The following NELL1 variants were observed in gnomAD, a reference collection of about 807,000 sequenced individuals.
NELL1 encodes the protein neural EGFL like 1.
In NELL1, 76 loss-of-function variants were observed where a neutral mutation model predicts 107.4. The observed-to-expected ratio is 0.71, with a 90% CI of 0.59 to 0.86. The LOEUF (loss-of-function observed/expected upper bound fraction) is 0.86, where lower values mean the gene tolerates loss of function less well. Ranked by LOEUF, NELL1 falls within the 40% of genes least tolerant of loss-of-function variation. The pLI is 0.00. For synonymous variants in NELL1, 353 were observed against 341.2 expected (o/e 1.03, Z -0.38); for missense variants, 1,024 against 1,005.5 (o/e 1.02, Z -0.25).
At chr11:20,810,134 GC>G (rs1196986765) in intron 3 of NELL1, among the ~76,000 whole-genome samples, 1 of 151,422 alleles carries the variant, frequency 6.6e-6, no homozygotes, top group Non-Finnish European at 1.5e-5. Context: ...ATATCTGTTA[GC>G]CATTTGTATG....
chr11:21,551,384 T>C (rs1856578691), intron 16 of NELL1, among the ~76,000 whole-genome samples: 1 of 152,062 alleles, frequency 6.6e-6, no homozygotes, highest in African/African-American at 2.4e-5. Context: ...CTATGTTGAA[T>C]AGGAATGGTG....
intron 3 of NELL1, among the ~76,000 whole-genome samples, chr11:20,799,378 A>G (rs574738739): frequency 6.6e-6 from 1 of 152,372 alleles, no homozygotes; most frequent in South Asian, 2.1e-4. Flanking sequence ...TTTCAGGACA[A>G]CAGTTACTTA....
At chr11:20,684,700 T>G (rs139251613) in intron 2 of NELL1, among the ~76,000 whole-genome samples, 1 of 152,098 alleles carries the variant, frequency 6.6e-6, no homozygotes, top group African/African-American at 2.4e-5. Flanking sequence ...ATAAATACCT[T>G]TGAGTTTTGT....
At chr11:21,470,951 A>G (rs1365429601) in intron 15 of NELL1, among the ~76,000 whole-genome samples, 3 of 152,136 alleles carry the variant, frequency 2.0e-5, no homozygotes, top group African/African-American at 7.2e-5. Context: ...CAATGGATAT[A>G]AAATAGTTAA....
chr11:20,742,474 A>G (rs1436626210), intron 2 of NELL1, among the ~76,000 whole-genome samples: 1 of 152,156 alleles, frequency 6.6e-6, no homozygotes, highest in Non-Finnish European at 1.5e-5. Flanking sequence ...CTGTTCTCAC[A>G]CTGCTAATAA....
At chr11:21,459,066 A>C (rs555087114) in intron 15 of NELL1, among the ~76,000 whole-genome samples, 2 of 152,278 alleles carry the variant, frequency 1.3e-5, no homozygotes, top group East Asian at 3.9e-4. Context: ...TGTGAGATTC[A>C]TACCCAATTC....
chr11:21,508,972 C>G (rs147068945), intron 15 of NELL1, among the ~76,000 whole-genome samples: 1 of 152,020 alleles, frequency 6.6e-6, no homozygotes, highest in East Asian at 1.9e-4. Context: ...CTGCTGCCTT[C>G]CAACAAAAGT....
intron 12 of NELL1, among the ~76,000 whole-genome samples, chr11:21,067,448 G>A (rs1414861601): frequency 6.6e-6 from 1 of 152,114 alleles, no homozygotes; most frequent in Non-Finnish European, 1.5e-5. Flanking sequence ...TCTAATTAGA[G>A]TAAGGCTTGC....
intron 16 of NELL1, among the ~76,000 whole-genome samples, chr11:21,556,579 C>G (rs1198498390): frequency 6.6e-6 from 1 of 151,864 alleles, no homozygotes; most frequent in South Asian, 2.1e-4. Context: ...ATTCTATTTT[C>G]TTACATGCCC....
chr11:20,812,171 G>A (rs1394559709), intron 3 of NELL1, among the ~76,000 whole-genome samples: 1 of 152,076 alleles, frequency 6.6e-6, no homozygotes, highest in Non-Finnish European at 1.5e-5. Flanking sequence ...TATAAAACAC[G>A]TTTTCTGCAT....
rs1554922049 is a variant in NELL1 at position 21,489,404 on chromosome 11, A to AAAAAAAAAC, written c.1646-44966_1646-44965insAAAACAAAA. Among the ~76,000 whole-genome samples, 8 of 137,200 alleles carry AAAAAAAAAC rather than the reference A, an allele frequency of 5.8e-5. 1 individual carries two copies. Among genetic ancestry groups the AAAAAAAAAC allele is most frequent in the African/African-American group, 2.1e-4 (7 of 33,496 alleles). The allele number at this position is 137,200 out of a possible 152,430, so 90.0% of individuals were successfully genotyped here. Reference sequence around the variant, plus strand: ...TCAAAAAAAAAAAAAAAAAAAAAAAAAAAACAGAAGAAAAGGGAACTCTCC... The same window carrying AAAAAAAAAC: ...TCAAAAAAAAAAAAAAAAAAAAAAAAAAAAAAAACAAAACAGAAGAAAAGGGAACTCTCC... On this transcript the variant is annotated intron_variant, in intron 15 of 19. Transcript: ENST00000357134.
chr11:21,137,788 G>T (rs1855776578), intron 13 of NELL1, among the ~76,000 whole-genome samples: 1 of 152,140 alleles, frequency 6.6e-6, no homozygotes, highest in Admixed American at 6.5e-5. Flanking sequence ...TAGAAGGAAG[G>T]GTTAAAAGGT....
intron 9 of NELL1, among the ~76,000 whole-genome samples, chr11:20,931,730 G>T (rs1850623005): frequency 6.6e-6 from 1 of 152,132 alleles, no homozygotes; most frequent in Non-Finnish European, 1.5e-5. Flanking sequence ...GGATATAAGT[G>T]AAACTACTGT....
At chr11:21,152,582 C>T (rs1856142979) in intron 13 of NELL1, among the ~76,000 whole-genome samples, 1 of 152,108 alleles carries the variant, frequency 6.6e-6, no homozygotes, top group East Asian at 1.9e-4. Context: ...TTGATGAATC[C>T]TGATAATACA....
chr11:21,400,775 TG>T (rs1852079720), intron 15 of NELL1, among the ~76,000 whole-genome samples: 1 of 151,916 alleles, frequency 6.6e-6, no homozygotes, highest in Non-Finnish European at 1.5e-5. Flanking sequence ...CCTATATGAT[TG>T]TACTGAATTT....
intron 5 of NELL1, among the ~76,000 whole-genome samples, chr11:20,907,317 A>T (rs959548614): frequency 6.6e-6 from 1 of 151,962 alleles, no homozygotes; most frequent in South Asian, 2.1e-4. Flanking sequence ...AAGTATTTTT[A>T]AATTATGTAT....
intron 12 of NELL1, among the ~76,000 whole-genome samples, chr11:21,106,800 G>A (rs531645126): frequency 3.9e-5 from 6 of 152,022 alleles, no homozygotes; most frequent in African/African-American, 1.2e-4. Context: ...TAGGGAGGAC[G>A]CTATAATTAT....
Position 21,176,898 on chromosome 11 carries a change from C to T in NELL1, c.1427-52434C>T, listed in dbSNP as rs545120851. ...AAACTGATGTTAAGGGATGTTAATG[C>T]ACTCCTGATTTAAGGAGTGATAACA... On this transcript the variant is annotated intron_variant, in intron 13 of 19. Transcript: ENST00000357134. Among the ~76,000 whole-genome samples, 6 of 151,788 alleles carry T rather than the reference C, an allele frequency of 4.0e-5. 1 individual carries two copies. The South Asian group carries it at 8.3e-4, about 21-fold the overall frequency.
At position 21,258,376 on chromosome 11, in the gene NELL1, G is replaced by T. The variant is rs554565329; in HGVS notation, c.1549+28922G>T. Among the ~76,000 whole-genome samples the T allele has an allele frequency of 3.3e-5, 5 of 151,894 alleles. No homozygotes were observed. The South Asian group carries it at 8.3e-4, about 25-fold the overall frequency. On this transcript the variant is annotated intron_variant, in intron 14 of 19. Transcript: ENST00000357134. ...GTTGTCTTGGTAAAGTATTAATTAG[G>T]ATTCTCCAGAGAAACAGAAGTAATA...
Sources: gnomAD v4.1 joint callset for allele counts (sites outside exome capture counted in the v4.1 genomes callset) on GRCh38, gnomAD v4.1.1 for gene constraint, MANE v1.5 for transcripts, NCBI Gene and HGNC (gene_info 2026-07-23, HGNC 2026-07-21) for gene names.